The following SORBS2 variants were observed in gnomAD, a reference collection of about 807,000 sequenced individuals.
The protein encoded by SORBS2 is sorbin and SH3 domain-containing protein 2.
Under a neutral mutation model 97.7 loss-of-function variants are expected in SORBS2, and 46 were observed. That is an observed-to-expected ratio of 0.47 (90% confidence interval 0.37 to 0.60). The LOEUF is 0.60. SORBS2 is among the 20% of genes least tolerant of loss of function. SORBS2 has a pLI of 0.00. For missense variants in SORBS2, 1,316 were observed against 1,282.3 expected, an observed-to-expected ratio of 1.03 and a Z score of -0.40; for synonymous variants, 476 against 473.4, an observed-to-expected ratio of 1.01 and a Z score of -0.07.
chr4:185,595,517 C>T (rs1021602541), intron 12 of SORBS2, among the ~76,000 whole-genome samples: 1 of 151,932 alleles, frequency 6.6e-6, no homozygotes, highest in Non-Finnish European at 1.5e-5. Flanking sequence ...ATCATATTAC[C>T]TATTTCAAGT....
chr4:185,673,714 A>G (rs2097754935), intron 4 of SORBS2, among the ~76,000 whole-genome samples: 1 of 152,160 alleles, frequency 6.6e-6, no homozygotes, highest in African/African-American at 2.4e-5. Context: ...GAATGGTTTT[A>G]TGTTAATAAG....
At chr4:185,702,333 C>T (rs2098275694) in intron 2 of SORBS2, among the ~76,000 whole-genome samples, 1 of 152,072 alleles carries the variant, frequency 6.6e-6, no homozygotes, top group Admixed American at 6.6e-5. Flanking sequence ...ATGGCGAGAG[C>T]AGAAGCAAGA....
At chr4:185,955,758 C>T (rs746592513) in intron 1 of SORBS2, among the ~76,000 whole-genome samples, 1 of 152,120 alleles carries the variant, frequency 6.6e-6, no homozygotes, top group African/African-American at 2.4e-5. Flanking sequence ...CTCATACCAA[C>T]CAAATGCTCT....
rs558513937 is a variant in SORBS2, at chr4:185,620,550, A to C, written c.2216-399T>G. Among the ~76,000 whole-genome samples, 90 of 152,306 alleles carry C rather than the reference A, an allele frequency of 5.9e-4. 1 individual carries two copies. Among genetic ancestry groups the C allele is most frequent in the African/African-American group, 2.0e-3 (83 of 41,566 alleles). On this transcript the variant is annotated intron_variant, in intron 7 of 14. Transcript: ENST00000418609. The stretch of plus-strand genomic sequence containing the variant: ...GATTTACAGAGGATGGAGAATTTGA[A>C]AATAGCAACAATTTGTAGAAAAAGA...
chr4:185,849,582 C>A (rs553794857), intron 1 of SORBS2, among the ~76,000 whole-genome samples: 1 of 152,060 alleles, frequency 6.6e-6, no homozygotes, highest in African/African-American at 2.4e-5. Context: ...CTGCCTAAAC[C>A]CTGTCCTGTC....
chr4:185,704,070 A>G (rs2098304136), intron 2 of SORBS2, among the ~76,000 whole-genome samples: 1 of 152,228 alleles, frequency 6.6e-6, no homozygotes, highest in Non-Finnish European at 1.5e-5. Context: ...TTTGTGTAGT[A>G]TAAGTATGCT....
intron 1 of SORBS2, among the ~76,000 whole-genome samples, chr4:185,876,894 C>T (rs376672027): frequency 4.1e-4 from 62 of 152,256 alleles, no homozygotes; most frequent in African/African-American, 1.5e-3. Context: ...ATTCATGGCC[C>T]CACAAACCAA....
exon 15 of SORBS2, chr4:185,586,371 C>T (rs1410348023): frequency 6.6e-6 from 1 of 152,584 alleles, no homozygotes; most frequent in Non-Finnish European, 1.5e-5. Flanking sequence ...AACATTGCTT[C>T]TAAAAAGTGC....
intron 2 of SORBS2, among the ~76,000 whole-genome samples, chr4:185,723,923 T>G (rs2098536441): frequency 6.6e-6 from 1 of 152,216 alleles, no homozygotes. Context: ...CTTCAAACTT[T>G]TCTTGGTGTG....
chr4:185,752,895 G>A (rs930131074), intron 2 of SORBS2, among the ~76,000 whole-genome samples: 15 of 152,098 alleles, frequency 9.9e-5, no homozygotes, highest in Non-Finnish European at 7.4e-5. Context: ...ATGTTTAGCC[G>A]GCAAGGAAAT....
At chr4:185,732,582 A>G (rs1052461996) in intron 2 of SORBS2, among the ~76,000 whole-genome samples, 7 of 152,142 alleles carry the variant, frequency 4.6e-5, no homozygotes, top group Non-Finnish European at 2.9e-5. Context: ...GCCCCTGCAG[A>G]GTGGGTCAGT....
At chr4:185,922,265 T>C (rs1038734897) in intron 1 of SORBS2, among the ~76,000 whole-genome samples, 27 of 143,572 alleles carry the variant, frequency 1.9e-4, no homozygotes, top group African/African-American at 7.2e-4. Context: ...ATAACAGTGG[T>C]CCTCTCCCCT....
chr4:185,767,357 G>A lies in SORBS2; in HGVS notation c.-198+7870C>T, dbSNP rs1247797772. Among the ~76,000 whole-genome samples the A allele has an allele frequency of 4.2e-5, 6 of 142,118 alleles. 1 individual carries two copies. Among genetic ancestry groups the A allele is most frequent in the African/African-American group, 7.6e-5 (3 of 39,408 alleles). 93.2% of individuals were successfully genotyped at this position (142,118 alleles called of 152,430 possible). A position where few individuals can be genotyped will look rare whatever the true frequency, so the allele number is the denominator to read the frequency against. On this transcript the variant is annotated intron_variant, in intron 2 of 20. Transcript: ENST00000284776. ...CTACTAAAAATACAAAAAATTAGCC[G>A]GGCGTGGTGGCGGGCGCCTGTAGTT...
At position 185,603,058 on chromosome 4, in the gene SORBS2, A is replaced by G. The variant is rs188987738; in HGVS notation, c.2796+8722T>C. Among the ~76,000 whole-genome samples the G allele has an allele frequency of 1.6e-3, 238 of 152,340 alleles. 2 individuals are homozygous for G. Among genetic ancestry groups the G allele is most frequent in the African/African-American group, 5.4e-3 (225 of 41,576 alleles). On this transcript the variant is annotated intron_variant, in intron 12 of 14. Coordinates refer to ENST00000418609, the Ensembl canonical transcript of SORBS2. ...GTGAATACCTCCATTCTCTCATGTC[A>G]TTCTGCAAACAACGGAAACTTAAAG... is the stretch of plus-strand genomic sequence containing the variant.
chr4:185,729,682 T>C (rs1335237913), intron 2 of SORBS2, among the ~76,000 whole-genome samples: 1 of 152,266 alleles, frequency 6.6e-6, no homozygotes, highest in Non-Finnish European at 1.5e-5. Context: ...CCTCTTTTTC[T>C]TTCTACTTAG....
chr4:185,678,543 C>G, exon 4 of SORBS2: 1 of 1,539,752 alleles, frequency 6.5e-7, no homozygotes. Flanking sequence ...TGTAAGATCT[C>G]CAAGCTTTCA....
upstream of SORBS2, among the ~76,000 whole-genome samples, chr4:185,661,322 G>A (rs2097516681): frequency 6.6e-6 from 1 of 151,288 alleles, no homozygotes. Flanking sequence ...TGAACTATCT[G>A]AACATACTTG....
Position 185,651,779 on chromosome 4 carries a change from C to T in SORBS2, c.91+883G>A, listed in dbSNP as rs778238842. On this transcript the variant is annotated intron_variant, in intron 2 of 14. Transcript: ENST00000418609. ...AGTCATTGCGAGCAAGGAAACCCAT[C>T]CTACCTGCATTGTATGTATAAGGAG... 1 of 1,494,704 alleles carries T rather than the reference C, an allele frequency of 6.7e-7. No homozygotes were observed. The highest frequency in any genetic ancestry group is 9.3e-7 in the Non-Finnish European group (1 of 1,074,384). 92.6% of individuals were successfully genotyped at this position (1,494,704 alleles called of 1,614,324 possible).
chr4:185,685,770 G>T (rs1020300394), intron 2 of SORBS2, among the ~76,000 whole-genome samples: 1 of 152,084 alleles, frequency 6.6e-6, no homozygotes, highest in Non-Finnish European at 1.5e-5. Flanking sequence ...GGCTCTTTCC[G>T]CCTCGGCCTC....
Sources: gnomAD v4.1 joint callset for allele counts (sites outside exome capture counted in the v4.1 genomes callset) on GRCh38, gnomAD v4.1.1 for gene constraint, MANE v1.5 for transcripts, NCBI Gene and HGNC (gene_info 2026-07-23, HGNC 2026-07-21) for gene names.